The following FMN1 variants were observed in gnomAD, a reference collection of about 807,000 sequenced individuals.
The protein encoded by FMN1 is formin-1.
Under a neutral mutation model 132.4 loss-of-function variants are expected in FMN1, and 110 were observed. The observed-to-expected ratio is 0.83, with a 90% CI of 0.71 to 0.97. The LOEUF (loss-of-function observed/expected upper bound fraction) is 0.97. Among genes scored for constraint, FMN1 ranks in the 50% least tolerant of loss-of-function variants. The pLI is 0.00. For synonymous variants in FMN1, 722 were observed against 651.7 expected, an observed-to-expected ratio of 1.11 and a Z score of -1.64; for missense variants, 1,792 against 1,705.3, an observed-to-expected ratio of 1.05 and a Z score of -0.90.
At chr15:32,812,178 C>A (rs529046142) in intron 17 of FMN1, among the ~76,000 whole-genome samples, 1 of 152,058 alleles carries the variant, frequency 6.6e-6, no homozygotes, top group South Asian at 2.1e-4. Context: ...TACACATCAC[C>A]GGGAACATTC....
intron 17 of FMN1, among the ~76,000 whole-genome samples, chr15:32,826,522 C>G (rs2058371372): frequency 6.6e-6 from 1 of 152,182 alleles, no homozygotes; most frequent in Non-Finnish European, 1.5e-5. Context: ...GAAAAGAGGG[C>G]AAAAACAGAA....
intron 9 of FMN1, among the ~76,000 whole-genome samples, chr15:32,957,861 T>G (rs1596343626): frequency 6.6e-6 from 1 of 152,238 alleles, no homozygotes; most frequent in Non-Finnish European, 1.5e-5. Context: ...AAATAAGAGA[T>G]AGTAGCAAGT....
chr15:32,938,821 T>C (rs894676462), intron 9 of FMN1, among the ~76,000 whole-genome samples: 1 of 152,244 alleles, frequency 6.6e-6, no homozygotes, highest in African/African-American at 2.4e-5. Flanking sequence ...TATTTTGCAT[T>C]TTTAATGATT....
chr15:32,857,423 T>C (rs1028170942), intron 16 of FMN1, among the ~76,000 whole-genome samples: 1 of 152,072 alleles, frequency 6.6e-6, no homozygotes, highest in African/African-American at 2.4e-5. Context: ...CTCCCAAAGA[T>C]AAAGAGAGGC....
At chr15:33,086,635 C>T (rs1163816948) in intron 5 of FMN1, among the ~76,000 whole-genome samples, 2 of 152,210 alleles carry the variant, frequency 1.3e-5, no homozygotes, top group Non-Finnish European at 2.9e-5. Flanking sequence ...AGCACTTTTA[C>T]ACTGTAGGCC....
At chr15:32,959,908 C>T (rs189853382) in intron 9 of FMN1, among the ~76,000 whole-genome samples, 1 of 152,234 alleles carries the variant, frequency 6.6e-6, no homozygotes, top group Admixed American at 6.5e-5. Context: ...AAATTTAATA[C>T]GATCCTGCAT....
In FMN1 at chr15:33,117,709, A is replaced by C. The variant is rs1405875482; in HGVS notation, c.1868-28735T>G. Among the ~76,000 whole-genome samples the C allele has an allele frequency of 2.0e-5, 3 of 152,206 alleles. No individual in the cohort carries two copies. In the South Asian group the frequency reaches 6.2e-4, roughly 32 times the overall value. ...CTTCACCCACATTTACTAGAGATTA[A>C]CTATTATCTAGCAAACAACATTTGT... is the stretch of plus-strand genomic sequence containing the variant. On this transcript the variant is annotated intron_variant, in intron 4 of 20. Transcript: ENST00000616417.
chr15:32,773,958 T>C lies in FMN1; in HGVS notation c.*352A>G, dbSNP rs2056330948. 7.0e-6 allele frequency: 2 copies of C among 284,350 alleles called. No homozygotes were observed. The highest frequency in any genetic ancestry group is 9.0e-5 in the South Asian group (2 of 22,314). 17.6% of individuals were successfully genotyped at this position (284,350 alleles called of 1,614,324 possible). On this transcript the variant is annotated 3_prime_UTR_variant, in exon 21 of 21. Transcript: ENST00000616417. ...ATCTTTTCTCTCTTCTGTGACAATGTGACATATATCAAGCTTTGGTTATAA... is the reference window on the plus strand; with the variant it reads ...ATCTTTTCTCTCTTCTGTGACAATGCGACATATATCAAGCTTTGGTTATAA...
At position 32,874,339 on chromosome 15, in the gene FMN1, C is replaced by T. The variant is rs551532325; in HGVS notation, c.3835+13833G>A. On this transcript the variant is annotated intron_variant, in intron 16 of 20. Coordinates refer to ENST00000616417, the MANE Select transcript of FMN1 (RefSeq NM_001277313.2). Reference sequence around the variant, plus strand: ...CCCGGCCTATATTAGCTATATATAGCGAATATCAAGCCCAGCTTAAACACT... The same window carrying T: ...CCCGGCCTATATTAGCTATATATAGTGAATATCAAGCCCAGCTTAAACACT... Among the ~76,000 whole-genome samples, 33 of 151,708 alleles carry T rather than the reference C, an allele frequency of 2.2e-4. No individual in the cohort carries two copies. The Middle Eastern group carries it at 0.01, about 47-fold the overall frequency.
chr15:33,144,739 C>T (rs1301199306), intron 4 of FMN1, among the ~76,000 whole-genome samples: 1 of 151,182 alleles, frequency 6.6e-6, no homozygotes, highest in Non-Finnish European at 1.5e-5. Flanking sequence ...AAACAAGCAG[C>T]AAATGTAGCA....
intron 17 of FMN1, among the ~76,000 whole-genome samples, chr15:32,850,993 G>A (rs2013862): frequency 0.016 from 2,382 of 152,142 alleles, 68 homozygotes; most frequent in African/African-American, 0.055. Context: ...GGGAGGCAGA[G>A]CTTGCAGTGA....
intron 17 of FMN1, among the ~76,000 whole-genome samples, chr15:32,832,559 C>T (rs921498326): frequency 6.6e-6 from 1 of 152,080 alleles, no homozygotes; most frequent in African/African-American, 2.4e-5. Context: ...GCGGGCAGAT[C>T]ATGAAGTCAG....
intron 5 of FMN1, chr15:33,066,903 T>A: frequency 6.2e-7 from 1 of 1,613,982 alleles, no homozygotes; most frequent in Non-Finnish European, 8.5e-7. Context: ...TTCTTCTCAC[T>A]CTTCACTGTC....
intron 6 of FMN1, among the ~76,000 whole-genome samples, chr15:33,033,850 C>T (rs1410588149): frequency 1.3e-5 from 2 of 152,164 alleles, no homozygotes; most frequent in Non-Finnish European, 2.9e-5. Context: ...ATTCTCACTC[C>T]TTACTTCATT....
chr15:33,138,858 C>G (rs1963884242), intron 4 of FMN1, among the ~76,000 whole-genome samples: 1 of 152,116 alleles, frequency 6.6e-6, no homozygotes, highest in African/African-American at 2.4e-5. Flanking sequence ...TCTGCTCTGG[C>G]CCTTCACTAT....
Position 32,850,255 on chromosome 15 carries a change from T to C in FMN1, c.3928+6760A>G, listed in dbSNP as rs938272299. Among the ~76,000 whole-genome samples the C allele has an allele frequency of 3.9e-5, 6 of 152,362 alleles. No individual in the cohort carries two copies. The South Asian group carries it at 1.2e-3, about 32-fold the overall frequency. On this transcript the variant is annotated intron_variant, in intron 17 of 20. Coordinates refer to ENST00000616417, the MANE Select transcript of FMN1 (RefSeq NM_001277313.2). The stretch of plus-strand genomic sequence containing the variant: ...TCTCTGTAACCTTAGTGGTTGAATA[T>C]GGTGATTCAGATAGTTTTGTTTCTT...
intron 17 of FMN1, among the ~76,000 whole-genome samples, chr15:32,806,717 G>A (rs2141018797): frequency 6.6e-6 from 1 of 152,296 alleles, no homozygotes; most frequent in African/African-American, 2.4e-5. Context: ...GTGCACATTG[G>A]AGGATCTTTG....
chr15:33,112,865 G>A (rs576682422), intron 4 of FMN1, among the ~76,000 whole-genome samples: 1 of 152,272 alleles, frequency 6.6e-6, no homozygotes, highest in East Asian at 1.9e-4. Context: ...GGCCTACACA[G>A]CTACTGGGTT....
chr15:32,880,204 A>C (rs528387197), intron 16 of FMN1, among the ~76,000 whole-genome samples: 1 of 152,258 alleles, frequency 6.6e-6, no homozygotes, highest in South Asian at 2.1e-4. Flanking sequence ...CTTTGCAAAA[A>C]CAACTCGCAG....
Sources: gnomAD v4.1 joint callset for allele counts (sites outside exome capture counted in the v4.1 genomes callset) on GRCh38, gnomAD v4.1.1 for gene constraint, MANE v1.5 for transcripts, NCBI Gene and HGNC (gene_info 2026-07-23, HGNC 2026-07-21) for gene names.